CLVS1: variants seen among roughly 807,000 people sequenced by gnomAD.
CLVS1 encodes the protein clavesin 1.
In CLVS1, 10 loss-of-function variants were observed where a neutral mutation model predicts 33.1. The ratio of observed to expected loss-of-function variants is 0.30; its 90% CI spans 0.19 to 0.51. The LOEUF is 0.51. Ranked by LOEUF, CLVS1 falls within the 20% of genes least tolerant of loss-of-function variation. The pLI is 0.97. For missense variants in CLVS1, 343 were observed against 433.4 expected (o/e 0.79, Z 1.85); for synonymous variants, 163 against 166.1 (o/e 0.98, Z 0.14).
chr8:61,176,580 C>T (rs1316652999), intron 2 of CLVS1, among the ~76,000 whole-genome samples: 2 of 152,118 alleles, frequency 1.3e-5, no homozygotes, highest in Non-Finnish European at 2.9e-5. Context: ...TGGTCAGAGG[C>T]TCACATTGAA....
chr8:60,967,696 A>G, the CLVS1 span: 79 of 455,786 alleles, frequency 1.7e-4, 1 homozygote, highest in South Asian at 1.2e-3. Context: ...CCCACTGCTC[A>G]GGGTGTGGGT....
At position 61,125,989 on chromosome 8, in the gene CLVS1, A is replaced by G. The variant is rs115728884; in HGVS notation, c.-242-5781A>G. Among the ~76,000 whole-genome samples the G allele has an allele frequency of 5.3e-3, 803 of 151,698 alleles. 6 individuals are homozygous for G. Among genetic ancestry groups the G allele is most frequent in the African/African-American group, 0.017 (683 of 41,256 alleles). On this transcript the variant is annotated intron_variant, in intron 1 of 2. Coordinates refer to the CLVS1 transcript ENST00000522621. Reference sequence around the variant, plus strand: ...TTTTTTTTTTTCTGATTCCAAATGTAATATAGTTGATTGTGGAAGAATGAC... The same window carrying G: ...TTTTTTTTTTTCTGATTCCAAATGTGATATAGTTGATTGTGGAAGAATGAC...
chr8:61,434,935 T>C (rs992965507), intron 3 of CLVS1, among the ~76,000 whole-genome samples: 1 of 152,206 alleles, frequency 6.6e-6, no homozygotes, highest in Non-Finnish European at 1.5e-5. Context: ...AATATCAAGA[T>C]ATGGCAAGGA....
intron 1 of CLVS1, among the ~76,000 whole-genome samples, chr8:61,115,139 G>A (rs1303560307): frequency 1.3e-5 from 2 of 152,136 alleles, no homozygotes; most frequent in Non-Finnish European, 2.9e-5. Context: ...CAGAGCCCTA[G>A]GCTCAAAATT....
the CLVS1 span, among the ~76,000 whole-genome samples, chr8:61,036,597 C>T: frequency 0.1 from 15,844 of 152,188 alleles, 938 homozygotes; most frequent in South Asian, 0.18. Flanking sequence ...CTTCCCTCTC[C>T]CTCCTTCCTT....
chr8:61,471,841 T>A (rs907866957), intron 5 of CLVS1, among the ~76,000 whole-genome samples: 5 of 152,198 alleles, frequency 3.3e-5, no homozygotes, highest in Non-Finnish European at 7.3e-5. Context: ...TAAACTGTTA[T>A]CCCTGTGGTC....
At chr8:61,244,505 G>A (rs550265662) in intron 2 of CLVS1, among the ~76,000 whole-genome samples, 3 of 152,034 alleles carry the variant, frequency 2.0e-5, no homozygotes, top group Non-Finnish European at 2.9e-5. Context: ...TTTTAATGTT[G>A]TTCAGTTCTT....
At chr8:61,022,928 C>A in the CLVS1 span, among the ~76,000 whole-genome samples, 1 of 152,244 alleles carries the variant, frequency 6.6e-6, no homozygotes, top group African/African-American at 2.4e-5. Context: ...GCCGGAGCTA[C>A]ACTGAGGAGA....
intron 2 of CLVS1, among the ~76,000 whole-genome samples, chr8:61,316,278 C>T (rs893796778): frequency 3.3e-5 from 5 of 152,124 alleles, no homozygotes; most frequent in Non-Finnish European, 4.4e-5. Flanking sequence ...ATTCTTAACC[C>T]GAGGATACTG....
the CLVS1 span, among the ~76,000 whole-genome samples, chr8:61,040,739 T>G: frequency 3.3e-5 from 5 of 152,218 alleles, no homozygotes; most frequent in Admixed American, 3.3e-4. Flanking sequence ...AGACCTTTGT[T>G]GCATGCAGAG....
At chr8:61,464,337 C>A (rs1160572926) in intron 5 of CLVS1, among the ~76,000 whole-genome samples, 1 of 152,112 alleles carries the variant, frequency 6.6e-6, no homozygotes, top group Admixed American at 6.5e-5. Context: ...GCTCCAAAAC[C>A]CATCCGTGGT....
intron 2 of CLVS1, among the ~76,000 whole-genome samples, chr8:61,170,490 A>G (rs1379463806): frequency 1.3e-5 from 2 of 152,160 alleles, no homozygotes; most frequent in African/African-American, 4.8e-5. Flanking sequence ...ATTACAACTA[A>G]CATGTATGAC....
At chr8:61,049,677 C>A in the CLVS1 span, among the ~76,000 whole-genome samples, 6 of 152,184 alleles carry the variant, frequency 3.9e-5, no homozygotes, top group Non-Finnish European at 7.4e-5. Flanking sequence ...CGCAAAGACA[C>A]ATGATTACAC....
chr8:61,271,417 G>C (rs1049634563), intron 2 of CLVS1, among the ~76,000 whole-genome samples: 2 of 149,214 alleles, frequency 1.3e-5, no homozygotes, highest in African/African-American at 5.0e-5. Flanking sequence ...TATTTGCTGA[G>C]GAGAGCTTTA....
intron 3 of CLVS1, among the ~76,000 whole-genome samples, chr8:61,448,953 T>A (rs1816855682): frequency 6.6e-6 from 1 of 152,174 alleles, no homozygotes; most frequent in Non-Finnish European, 1.5e-5. Context: ...TGATTCTTGG[T>A]ATAAAGAGTG....
the CLVS1 span, among the ~76,000 whole-genome samples, chr8:61,035,843 C>A: frequency 2.4e-4 from 36 of 152,244 alleles, no homozygotes; most frequent in African/African-American, 7.2e-4. Flanking sequence ...TAAACATTAT[C>A]CTGACATACA....
intron 1 of CLVS1, among the ~76,000 whole-genome samples, chr8:61,074,735 G>A (rs1211615732): frequency 6.6e-6 from 1 of 152,018 alleles, no homozygotes. Flanking sequence ...GTGGGAGTGG[G>A]TGGATGGTGG....
At chr8:61,376,317 G>A (rs933085176) in intron 2 of CLVS1, among the ~76,000 whole-genome samples, 1 of 152,222 alleles carries the variant, frequency 6.6e-6, no homozygotes, top group African/African-American at 2.4e-5. Flanking sequence ...AAATGCAATT[G>A]GGGCTGTGGA....
intron 5 of CLVS1, among the ~76,000 whole-genome samples, chr8:61,466,541 G>A (rs1178510522): frequency 6.6e-6 from 1 of 152,196 alleles, no homozygotes; most frequent in Non-Finnish European, 1.5e-5. Context: ...TAATCAGCAT[G>A]TAGAGTTTGT....
Sources: allele counts gnomAD v4.1 joint callset (sites outside exome capture counted in the v4.1 genomes callset), GRCh38; gene constraint gnomAD v4.1.1; transcripts MANE v1.5; gene names NCBI Gene and HGNC (gene_info 2026-07-23, HGNC 2026-07-21).